Variants in CNTNAP5 observed in about 807,000 individuals in gnomAD.
CNTNAP5 encodes contactin associated protein family member 5.
In CNTNAP5, 72 loss-of-function variants were observed where a neutral mutation model predicts 150.2. That is an observed-to-expected ratio of 0.48 (90% CI 0.40 to 0.58). The LOEUF is 0.58. Ranked by LOEUF, CNTNAP5 falls within the 20% of genes least tolerant of loss-of-function variation. The pLI is 0.00. For missense variants in CNTNAP5, 1,636 were observed against 1,626.2 expected, an observed-to-expected ratio of 1.01 and a Z score of -0.10; for synonymous variants, 672 against 619.8, an observed-to-expected ratio of 1.08 and a Z score of -1.25.
At chr2:124,218,372 G>A (rs879750815) in intron 1 of CNTNAP5, among the ~76,000 whole-genome samples, 1 of 152,152 alleles carries the variant, frequency 6.6e-6, no homozygotes, top group Non-Finnish European at 1.5e-5. Context: ...GTTCATGTGA[G>A]ACAGAAGTGA....
chr2:124,159,738 A>G (rs1199723186), intron 1 of CNTNAP5, among the ~76,000 whole-genome samples: 1 of 152,104 alleles, frequency 6.6e-6, no homozygotes, highest in Admixed American at 6.6e-5. Context: ...ATGAATAAGA[A>G]CCTTGTGGTC....
At chr2:124,689,224 C>T (rs2105077273) in intron 13 of CNTNAP5, among the ~76,000 whole-genome samples, 1 of 152,102 alleles carries the variant, frequency 6.6e-6, no homozygotes, top group East Asian at 1.9e-4. Context: ...GAGCACTGCT[C>T]CTTGGAAACT....
chr2:124,271,641 T>C (rs990523169), intron 3 of CNTNAP5, among the ~76,000 whole-genome samples: 1 of 150,268 alleles, frequency 6.7e-6, no homozygotes, highest in African/African-American at 2.4e-5. Context: ...TTAATTTCCT[T>C]CATTTAGTTT....
chr2:124,660,694 A>C (rs776673228), intron 13 of CNTNAP5, among the ~76,000 whole-genome samples: 8 of 152,092 alleles, frequency 5.3e-5, no homozygotes, highest in Admixed American at 2.0e-4. Context: ...GCTGTACTGA[A>C]TACTGTAGGC....
intron 13 of CNTNAP5, among the ~76,000 whole-genome samples, chr2:124,695,661 T>C (rs1438946854): frequency 6.6e-6 from 1 of 152,134 alleles, no homozygotes; most frequent in African/African-American, 2.4e-5. Context: ...CTCAAGAAAG[T>C]CTGTGTTAAT....
At chr2:124,321,032 TC>T (rs1261075128) in intron 3 of CNTNAP5, among the ~76,000 whole-genome samples, 2 of 152,136 alleles carry the variant, frequency 1.3e-5, no homozygotes, top group African/African-American at 4.8e-5. Flanking sequence ...ATTCTGGAGA[TC>T]TTGTAAAGTC....
chr2:124,641,585 A>G (rs1378718567), intron 12 of CNTNAP5, among the ~76,000 whole-genome samples: 2 of 152,236 alleles, frequency 1.3e-5, no homozygotes, highest in Non-Finnish European at 2.9e-5. Context: ...GATTATTTAA[A>G]CTGTCTTTAC....
chr2:124,844,997 A>G (rs1426259796), intron 19 of CNTNAP5, among the ~76,000 whole-genome samples: 2 of 152,086 alleles, frequency 1.3e-5, no homozygotes, highest in Admixed American at 1.3e-4. Flanking sequence ...TGCTGTGGCT[A>G]GGACTTCCAT....
intron 13 of CNTNAP5, among the ~76,000 whole-genome samples, chr2:124,735,662 G>A (rs1381307567): frequency 6.6e-6 from 1 of 152,082 alleles, no homozygotes; most frequent in African/African-American, 2.4e-5. Flanking sequence ...TTCTCTAATA[G>A]GACCAGGTTT....
chr2:124,165,303 A>G lies in CNTNAP5; in HGVS notation c.83-56402A>G, dbSNP rs565900357. ...TCAGAGGTCCTTTCTCCTCTTCTGC[A>G]GAATTTGTAGAATGATATCCATTTC... On this transcript the variant is annotated intron_variant, in intron 1 of 23. Coordinates refer to ENST00000682447, the MANE Select transcript of CNTNAP5 (RefSeq NM_001367498.1). Among the ~76,000 whole-genome samples, 22 of 152,288 alleles carry G rather than the reference A, an allele frequency of 1.4e-4. No homozygotes were observed. In the Middle Eastern group the frequency reaches 0.014, roughly 94 times the overall value.
At position 124,719,031 on chromosome 2, in the gene CNTNAP5, C is replaced by T. The variant is rs80111230; in HGVS notation, c.2078-28198C>T. Among the ~76,000 whole-genome samples, 1,390 of 151,944 alleles carry T rather than the reference C, an allele frequency of 9.1e-3. 16 individuals carry two copies. Among genetic ancestry groups the T allele is most frequent in the East Asian group, 0.034 (173 of 5,160 alleles). On this transcript the variant is annotated intron_variant, in intron 13 of 23. Transcript: ENST00000682447. The stretch of plus-strand genomic sequence containing the variant: ...AGGTCAAGCCAAGCCAGTGACTTTA[C>T]TAAATGCAGAACACTGAGTGCCTCT...
At chr2:124,101,391 T>C (rs1473688897) in intron 1 of CNTNAP5, among the ~76,000 whole-genome samples, 1 of 152,154 alleles carries the variant, frequency 6.6e-6, no homozygotes, top group East Asian at 1.9e-4. Context: ...GAATCCTTCC[T>C]TGTCTGGCTA....
At chr2:124,848,892 T>C (rs527428433) in intron 19 of CNTNAP5, among the ~76,000 whole-genome samples, 5 of 152,324 alleles carry the variant, frequency 3.3e-5, no homozygotes, top group African/African-American at 1.2e-4. Flanking sequence ...GGATATTAAA[T>C]CCCTGCCAGA....
At chr2:124,547,264 C>T (rs1695533945) in intron 10 of CNTNAP5, among the ~76,000 whole-genome samples, 1 of 152,012 alleles carries the variant, frequency 6.6e-6, no homozygotes, top group Non-Finnish European at 1.5e-5. Context: ...AGAGAGTAAG[C>T]CCCGCAAGGA....
At chr2:124,416,272 T>C (rs1040898127) in intron 3 of CNTNAP5, among the ~76,000 whole-genome samples, 10 of 152,072 alleles carry the variant, frequency 6.6e-5, no homozygotes, top group African/African-American at 2.4e-4. Flanking sequence ...CAAAGTGTCA[T>C]GTTTTGGGGT....
intron 11 of CNTNAP5, among the ~76,000 whole-genome samples, chr2:124,603,490 C>T (rs1242486467): frequency 6.6e-6 from 1 of 152,186 alleles, no homozygotes. Context: ...AATGGTTTGG[C>T]AGTCCTTGAT....
rs529554015 is a variant in CNTNAP5 at position 124,036,161 on chromosome 2, T to G, written c.82+10429T>G. 1.9e-4 allele frequency among the ~76,000 whole-genome samples: 28 copies of G among 151,276 alleles called. No homozygotes were observed. The East Asian group carries it at 5.3e-3, about 29-fold the overall frequency. On this transcript the variant is annotated intron_variant, in intron 1 of 23. Transcript: ENST00000682447. Reference sequence around the variant, plus strand: ...GGATGGTCTCGATCTCCTGACCTCATGATCCACCCGCCTCGGCCTCCCAAA... The same window carrying G: ...GGATGGTCTCGATCTCCTGACCTCAGGATCCACCCGCCTCGGCCTCCCAAA...
intron 7 of CNTNAP5, among the ~76,000 whole-genome samples, chr2:124,481,009 A>G (rs1693752188): frequency 6.6e-6 from 1 of 152,250 alleles, no homozygotes; most frequent in South Asian, 2.1e-4. Context: ...CAAGGCAGCT[A>G]TAACAAAATG....
intron 22 of CNTNAP5, among the ~76,000 whole-genome samples, chr2:124,904,900 A>T (rs1678499043): frequency 1.3e-5 from 2 of 151,696 alleles, no homozygotes; most frequent in Non-Finnish European, 2.9e-5. Context: ...GAAACTAAAA[A>T]ACCCTCTGTA....
Sources: allele counts gnomAD v4.1 joint callset (sites outside exome capture counted in the v4.1 genomes callset), GRCh38; gene constraint gnomAD v4.1.1; transcripts MANE v1.5; gene names NCBI Gene and HGNC (gene_info 2026-07-23, HGNC 2026-07-21).